The following SYN3 variants were observed in gnomAD, a reference collection of about 807,000 sequenced individuals.
The protein encoded by SYN3 is synapsin III.
In SYN3, 35 loss-of-function variants were observed where a neutral mutation model predicts 65.8. The observed-to-expected ratio is 0.53, with a 90% CI of 0.41 to 0.70. The LOEUF (loss-of-function observed/expected upper bound fraction) is 0.70. SYN3 is among the 30% of genes least tolerant of loss of function. The pLI is 0.00. For missense variants in SYN3, 680 were observed against 749.0 expected (o/e 0.91, Z 1.08); for synonymous variants, 270 against 292.9 (o/e 0.92, Z 0.80).
Position 32,627,952 on chromosome 22 carries a change from C to G in SYN3, c.712-31216G>C, listed in dbSNP as rs2059693043. On this transcript the variant is annotated intron_variant, in intron 6 of 13. Transcript: ENST00000358763. ...CAAGTGATTCTCCGGCCTCAGCCTC[C>G]CGAGTAGCTGGGACTACAGGCACAT... 2.0e-5 allele frequency among the ~76,000 whole-genome samples: 3 copies of G among 152,232 alleles called. No homozygotes were observed. The South Asian group carries it at 6.2e-4, about 32-fold the overall frequency.
At position 32,510,045 on chromosome 22, in the gene SYN3, G is replaced by C. The variant is rs2057674621; in HGVS notation, c.*3647C>G. On this transcript the variant is annotated 3_prime_UTR_variant, in exon 14 of 14. Transcript: ENST00000358763. ...CTGGGAGATATCCTTTGGATGCTGA[G>C]GTGTGTCTGAGGCCAAAGGACAGAA... 6.6e-6 allele frequency among the ~76,000 whole-genome samples: 1 copy of C among 152,124 alleles called. No homozygotes were observed. The highest frequency in any genetic ancestry group is 1.5e-5 in the Non-Finnish European group (1 of 68,040).
intron 6 of SYN3, among the ~76,000 whole-genome samples, chr22:32,748,230 T>A (rs917604264): frequency 5.3e-5 from 8 of 152,216 alleles, no homozygotes; most frequent in Admixed American, 5.2e-4. Flanking sequence ...CTTAATGCAG[T>A]GGCCAACAGA....
chr22:32,896,357 G>A (rs934984311), intron 4 of SYN3, among the ~76,000 whole-genome samples: 5 of 152,206 alleles, frequency 3.3e-5, no homozygotes, highest in Non-Finnish European at 5.9e-5. Flanking sequence ...TCGGGAGGCT[G>A]AGGCAGGAGA....
At position 32,617,537 on chromosome 22, in the gene SYN3, A is replaced by G. The variant is rs552704166; in HGVS notation, c.712-20801T>C. On this transcript the variant is annotated intron_variant, in intron 6 of 13. Transcript: ENST00000358763. ...TGAGTCATCCCGTGGAGCTCAGGAT[A>G]TTCAGTATAGGGAGAGAGAAGGATG... Among the ~76,000 whole-genome samples, 4 of 150,568 alleles carry G rather than the reference A, an allele frequency of 2.7e-5. No homozygotes were observed. The East Asian group carries it at 7.8e-4, about 29-fold the overall frequency.
intron 4 of SYN3, among the ~76,000 whole-genome samples, chr22:32,914,506 C>T (rs959612943): frequency 4.0e-5 from 6 of 150,746 alleles, no homozygotes; most frequent in South Asian, 2.1e-4. Context: ...GGCACAATCT[C>T]GGCTCACTGC....
At chr22:32,704,018 C>A (rs901088418) in intron 6 of SYN3, among the ~76,000 whole-genome samples, 5 of 151,998 alleles carry the variant, frequency 3.3e-5, no homozygotes, top group Admixed American at 6.6e-5. Context: ...ATTATTAGAA[C>A]TTATCCTTGA....
intron 6 of SYN3, among the ~76,000 whole-genome samples, chr22:32,755,757 T>A (rs909046852): frequency 6.6e-6 from 1 of 152,192 alleles, no homozygotes; most frequent in Non-Finnish European, 1.5e-5. Context: ...CACACACCAA[T>A]GCCCTTCTAT....
At chr22:32,890,500 C>T (rs1211828116) in intron 4 of SYN3, among the ~76,000 whole-genome samples, 1 of 152,164 alleles carries the variant, frequency 6.6e-6, no homozygotes, top group African/African-American at 2.4e-5. Flanking sequence ...CCTGCCTCAG[C>T]CTCCCAAGTA....
At chr22:32,696,451 G>A (rs1049695589) in intron 6 of SYN3, among the ~76,000 whole-genome samples, 5 of 152,178 alleles carry the variant, frequency 3.3e-5, no homozygotes, top group Non-Finnish European at 7.4e-5. Context: ...TTTTCTAGTT[G>A]TATTGAAGAT....
At chr22:32,708,051 C>G (rs2060903628) in intron 6 of SYN3, among the ~76,000 whole-genome samples, 1 of 152,230 alleles carries the variant, frequency 6.6e-6, no homozygotes, top group Non-Finnish European at 1.5e-5. Flanking sequence ...GACATTACAG[C>G]TTAGCATTCA....
At chr22:33,021,075 C>G (rs2053551746) in intron 1 of SYN3, among the ~76,000 whole-genome samples, 1 of 152,064 alleles carries the variant, frequency 6.6e-6, no homozygotes, top group Non-Finnish European at 1.5e-5. Flanking sequence ...GCCAGAAAGT[C>G]TGACAGTGTG....
chr22:32,611,528 G>A (rs61110043), intron 6 of SYN3, among the ~76,000 whole-genome samples: 17,729 of 151,858 alleles, frequency 0.12, 1,253 homozygotes, highest in East Asian at 0.28. Flanking sequence ...TCCTGACCTC[G>A]TGATCTGCCC....
At chr22:32,691,433 G>A (rs2060660189) in intron 6 of SYN3, among the ~76,000 whole-genome samples, 1 of 152,070 alleles carries the variant, frequency 6.6e-6, no homozygotes, top group Admixed American at 6.6e-5. Context: ...CTTTTCTGGG[G>A]AACTTTTAAA....
chr22:32,735,060 T>C (rs3788495), intron 6 of SYN3, among the ~76,000 whole-genome samples: 72,647 of 151,794 alleles, frequency 0.48, 18,102 homozygotes, highest in African/African-American at 0.64. Context: ...AAGTGAGAGG[T>C]GGTTACACTC....
chr22:32,874,224 C>T (rs777417643), intron 4 of SYN3, among the ~76,000 whole-genome samples: 8 of 152,224 alleles, frequency 5.3e-5, no homozygotes, highest in Non-Finnish European at 8.8e-5. Context: ...GAGCCCAAGA[C>T]CTGGGTCTCT....
chr22:32,826,268 AAAAT>A (rs1327833013), intron 6 of SYN3, among the ~76,000 whole-genome samples: 1 of 152,126 alleles, frequency 6.6e-6, no homozygotes, highest in Non-Finnish European at 1.5e-5. Flanking sequence ...ATCTCTACTA[AAAAT>A]ACAAAAAATT....
At chr22:33,015,335 TC>T in intron 1 of SYN3, 2 of 670,758 alleles carry the variant, frequency 3.0e-6, no homozygotes, top group Non-Finnish European at 4.7e-6. Flanking sequence ...ACGTGAAGAA[TC>T]CAGAGAAGAT....
intron 7 of SYN3, among the ~76,000 whole-genome samples, chr22:32,560,513 C>G (rs2858345): frequency 7.9e-4 from 121 of 152,234 alleles, no homozygotes; most frequent in African/African-American, 2.6e-3. Flanking sequence ...AAGTCACAGG[C>G]CTATCCTGTC....
rs755124131 is a variant in SYN3, at chr22:32,801,979, C to G, written c.711+62936G>C. 1.3e-6 allele frequency: 2 copies of G among 1,580,086 alleles called. No individual in the cohort carries two copies. Among genetic ancestry groups the G allele is most frequent in the South Asian group, 1.1e-5 (1 of 87,426 alleles). ...ACTTTGGAGAGGCGAGCAGCAGCCC[C>G]GGCAGCGGCGGCAGCAGCGGCAATG... On this transcript the variant is annotated intron_variant, in intron 6 of 13. Coordinates refer to ENST00000358763, the MANE Select transcript of SYN3 (RefSeq NM_003490.4). The surrounding 1 kb of genome is among the most constrained non-coding windows in gnomAD (Gnocchi z 4.7).
Sources: gnomAD v4.1 joint callset for allele counts (sites outside exome capture counted in the v4.1 genomes callset) on GRCh38, gnomAD v4.1.1 for gene constraint, Gnocchi (gnomAD v3.1) non-coding constraint, MANE v1.5 for transcripts, NCBI Gene and HGNC (gene_info 2026-07-23, HGNC 2026-07-21) for gene names.